Variants in ZC3H12B observed in about 807,000 individuals in gnomAD.
ZC3H12B encodes the protein zinc finger CCCH-type containing 12B.
In ZC3H12B, 7 loss-of-function variants were observed where a neutral mutation model predicts 43.9. The observed-to-expected ratio is 0.16, with a 90% confidence interval of 0.09 to 0.30. The LOEUF is 0.30. Ranked by LOEUF, ZC3H12B falls within the 10% of genes least tolerant of loss-of-function variation. The pLI, the probability that ZC3H12B is intolerant of heterozygous loss-of-function variation, is 1.00. For synonymous variants in ZC3H12B, 222 were observed against 241.7 expected (o/e 0.92, Z 0.76); for missense variants, 475 against 670.2 (o/e 0.71, Z 3.22).
chrX:65,283,636 C>A, the ZC3H12B span, among the ~76,000 whole-genome samples: 1 of 112,045 alleles, frequency 8.9e-6, no homozygotes, highest in Admixed American at 9.4e-5. Flanking sequence ...TCTCAGGAGG[C>A]TGCCGGGAAG....
chrX:65,236,092 A>T, the ZC3H12B span, among the ~76,000 whole-genome samples: 2 of 111,900 alleles, frequency 1.8e-5, no homozygotes, highest in Non-Finnish European at 3.8e-5. Context: ...ACACCATTTT[A>T]TTTTGTAAAA....
chrX:65,230,980 T>C, the ZC3H12B span, among the ~76,000 whole-genome samples: 1 of 112,177 alleles, frequency 8.9e-6, no homozygotes, highest in East Asian at 2.8e-4. Flanking sequence ...TTTAACAATT[T>C]GTTAAAAGGT....
At chrX:65,415,440 T>G (rs750746830) in intron 3 of ZC3H12B, among the ~76,000 whole-genome samples, 1 of 112,756 alleles carries the variant, frequency 8.9e-6, no homozygotes, top group Admixed American at 9.3e-5. Flanking sequence ...GTAAAACACT[T>G]CTATTTATTT....
At chrX:65,406,709 C>CGGCGGCGGCGGTAGG (rs1461391016) in intron 3 of ZC3H12B, among the ~76,000 whole-genome samples, 1 of 111,337 alleles carries the variant, frequency 9.0e-6, no homozygotes, top group Non-Finnish European at 1.9e-5. Context: ...GCGCGGGCGG[C>CGGCGGCGGCGGTAGG]GGCGGCGGCG....
At chrX:65,234,429 C>A in the ZC3H12B span, among the ~76,000 whole-genome samples, 2 of 111,606 alleles carry the variant, frequency 1.8e-5, no homozygotes, top group Non-Finnish European at 3.8e-5. Flanking sequence ...AACTGAAAGC[C>A]TTTTCTTTAA....
At chrX:65,120,291 C>A in the ZC3H12B span, among the ~76,000 whole-genome samples, 13 of 111,609 alleles carry the variant, frequency 1.2e-4, no homozygotes, top group Non-Finnish European at 2.1e-4. Context: ...ATCGAATGTT[C>A]TTCCATTTGT....
Position 65,457,504 on chromosome X carries a change from G to A in ZC3H12B, n.408-31142G>A, listed in dbSNP as rs1231305715. On this transcript the variant is annotated intron_variant and non_coding_transcript_variant, in intron 3 of 5. Transcript: ENST00000617377. ...CGGGAGGTGAGGGGCGCTTCTTCCC[G>A]GCCGCCCCTACTGGGAAGTGGGGAG... Among the ~76,000 whole-genome samples the A allele has an allele frequency of 3.3e-3, 287 of 86,283 alleles. 1 individual carries two copies. Among genetic ancestry groups the A allele is most frequent in the African/African-American group, 0.017 (263 of 15,806 alleles). 74.9% of individuals were successfully genotyped at this position (86,283 alleles called of 115,157 possible). A position where few individuals can be genotyped will look rare whatever the true frequency, so the allele number is the denominator to read the frequency against.
At chrX:65,298,731 AC>A in the ZC3H12B span, among the ~76,000 whole-genome samples, 1 of 112,087 alleles carries the variant, frequency 8.9e-6, no homozygotes, top group African/African-American at 3.2e-5. Flanking sequence ...CAGTTTTCAT[AC>A]TGCTATAAAG....
At chrX:65,421,690 G>C (rs1030572903) in intron 3 of ZC3H12B, among the ~76,000 whole-genome samples, 1 of 111,963 alleles carries the variant, frequency 8.9e-6, no homozygotes, top group Non-Finnish European at 1.9e-5. Context: ...GGCCAGGTGC[G>C]GTGGCTCACG....
intron 1 of ZC3H12B, among the ~76,000 whole-genome samples, chrX:65,493,623 A>G (rs1259591423): frequency 9.0e-6 from 1 of 111,501 alleles, no homozygotes; most frequent in Admixed American, 9.5e-5. Flanking sequence ...CAAACATTTG[A>G]ACCCCAGAGA....
At chrX:65,400,142 G>A (rs1036321428) in intron 3 of ZC3H12B, among the ~76,000 whole-genome samples, 3 of 110,733 alleles carry the variant, frequency 2.7e-5, no homozygotes, top group African/African-American at 9.8e-5. Flanking sequence ...ATAGTAAAAA[G>A]TAAACAATAT....
At chrX:65,313,202 G>A in the ZC3H12B span, among the ~76,000 whole-genome samples, 1 of 112,033 alleles carries the variant, frequency 8.9e-6, no homozygotes, top group African/African-American at 3.2e-5. Context: ...TTTTTAACAT[G>A]AATTTTGAGG....
exon 5 of ZC3H12B, chrX:65,502,045 A>G: frequency 9.9e-6 from 12 of 1,210,944 alleles, no homozygotes; most frequent in Non-Finnish European, 1.3e-5. Context: ...AGCCTGAGGA[A>G]TGGCTGTCCA....
At chrX:65,087,328 G>A in the ZC3H12B span, among the ~76,000 whole-genome samples, 1 of 111,687 alleles carries the variant, frequency 9.0e-6, no homozygotes, top group Non-Finnish European at 1.9e-5. Context: ...TTAGTACTGA[G>A]TTGTTTCAAA....
intron 4 of ZC3H12B, among the ~76,000 whole-genome samples, chrX:65,501,094 T>C (rs777986392): frequency 1.8e-5 from 2 of 111,559 alleles, no homozygotes; most frequent in Admixed American, 9.6e-5. Context: ...ATAGCTGGAA[T>C]TGAAATTCAG....
chrX:65,477,633 G>A (rs971649761), intron 3 of ZC3H12B, among the ~76,000 whole-genome samples: 1 of 110,553 alleles, frequency 9.0e-6, no homozygotes, highest in Non-Finnish European at 1.9e-5. Context: ...ATGGTGGCAG[G>A]TGCCTGTAAT....
intron 2 of ZC3H12B, among the ~76,000 whole-genome samples, chrX:65,384,571 C>A (rs183337938): frequency 1.4e-4 from 16 of 110,612 alleles, no homozygotes; most frequent in Admixed American, 1.4e-3. Context: ...TAAAAGTTAA[C>A]CTTTTATGGT....
intron 1 of ZC3H12B, among the ~76,000 whole-genome samples, 175 bp from the exon 4 acceptor site, chrX:65,368,654 G>A (rs1160992287): frequency 2.7e-5 from 3 of 111,726 alleles, no homozygotes; most frequent in Non-Finnish European, 5.6e-5. Context: ...GCTACATCTT[G>A]GATTAGCACA....
chrX:65,462,014 A>T (rs931271458), intron 3 of ZC3H12B, among the ~76,000 whole-genome samples: 3 of 110,437 alleles, frequency 2.7e-5, no homozygotes, highest in Non-Finnish European at 5.7e-5. Context: ...AAATATAAAA[A>T]GCTCTACCTT....
Sources: gnomAD v4.1 joint callset for allele counts (sites outside exome capture counted in the v4.1 genomes callset) on GRCh38, gnomAD v4.1.1 for gene constraint, MANE v1.5 for transcripts, NCBI Gene and HGNC (gene_info 2026-07-23, HGNC 2026-07-21) for gene names.